ABCF3: variants seen among roughly 807,000 people sequenced by gnomAD.
ABCF3 encodes ATP binding cassette subfamily F member 3, also known as ATP-binding cassette sub-family F member 3.
A neutral mutation model predicts 94.3 loss-of-function variants in ABCF3; 62 were observed. The ratio of observed to expected loss-of-function variants is 0.66; its 90% CI spans 0.54 to 0.81. The LOEUF (loss-of-function observed/expected upper bound fraction) is 0.81, where lower values mean the gene tolerates loss of function less well. Ranked by LOEUF, ABCF3 falls within the 40% of genes least tolerant of loss-of-function variation. The probability of loss-of-function intolerance (pLI) is 0.00; values close to 1 mark genes in which losing one functional copy is unlikely to be tolerated. For synonymous variants in ABCF3, 355 were observed against 361.1 expected, an observed-to-expected ratio of 0.98 and a Z score of 0.19; for missense variants, 843 against 925.3, an observed-to-expected ratio of 0.91 and a Z score of 1.15.
At position 184,188,980 on chromosome 3, in the gene ABCF3, G is replaced by A; in HGVS notation, c.969G>A (p.Gln323=). The A allele has an allele frequency of 6.2e-7, 1 of 1,614,238 alleles. No individual in the cohort carries two copies. The highest frequency in any genetic ancestry group is 8.5e-7 in the Non-Finnish European group (1 of 1,180,042). Residue 323 remains glutamine, a synonymous_variant, in exon 9 of 21, where the codon CAG becomes CAA. Coordinates refer to ENST00000429586, the MANE Select transcript of ABCF3 (RefSeq NM_018358.3). ...GLGFTPKMQQ[Q]PTREFSGGWR... is the part of the protein sequence containing the mutation. Reference sequence around the variant, plus strand: ...GCTTTACCCCTAAAATGCAGCAGCAGCCCACCCGGTGAGTGACCCTTGCCA... The same window carrying A: ...GCTTTACCCCTAAAATGCAGCAGCAACCCACCCGGTGAGTGACCCTTGCCA...
rs529248495 is a variant in ABCF3 at position 184,190,399 on chromosome 3, G to T, written c.1391+468G>T. 5.0e-5 allele frequency: 9 copies of T among 179,410 alleles called. No individual in the cohort carries two copies. The East Asian group carries it at 1.4e-3, about 27-fold the overall frequency. The allele number at this position is 179,410 out of a possible 1,614,324, so 11.1% of individuals were successfully genotyped here. A position where few individuals can be genotyped will look rare whatever the true frequency, so the allele number is the denominator to read the frequency against. ...ATGAATAATGTTGCTGTGAACATTG[G>T]TGTACAAATTTTTGTGTGGACATAT... On this transcript the variant is annotated intron_variant, in intron 14 of 20. Transcript: ENST00000429586.
At chr3:184,186,978 C>A in intron 3 of ABCF3, 103 bp downstream of exon 3, 2 of 1,234,838 alleles carry the variant, frequency 1.6e-6, no homozygotes, top group East Asian at 2.5e-5. Flanking sequence ...TTCCACAGGA[C>A]AAGGTTGTAG....
chr3:184,193,799 G>A lies in ABCF3; in HGVS notation c.*101G>A. On this transcript the variant is annotated 3_prime_UTR_variant, in exon 21 of 21. Transcript: ENST00000429586. The surrounding 1 kb of genome is among the most constrained non-coding windows in gnomAD (Gnocchi z 5.2). The stretch of plus-strand genomic sequence containing the variant: ...CCAGGCCGTGGACTTCCCCCAACTT[G>A]GGGACAGCCTTATTCCCAAATGTCT... 1.5e-6 allele frequency: 2 copies of A among 1,344,780 alleles called. No homozygotes were observed. Among genetic ancestry groups the A allele is most frequent in the Non-Finnish European group, 1.0e-6 (1 of 1,000,666 alleles). The allele number at this position is 1,344,780 out of a possible 1,614,324, so 83.3% of individuals were successfully genotyped here. A position where few individuals can be genotyped will look rare whatever the true frequency, so the allele number is the denominator to read the frequency against.
rs777281562 is a variant in ABCF3, at chr3:184,191,267, G to A, written c.1569+12G>A. On this transcript the variant is annotated intron_variant, in intron 16 of 20. Transcript: ENST00000429586. Reference sequence around the variant, plus strand: ...CTCGCATCTGTGTGGTAAGGCTGCTGTTTCTCTGTGCTGCGAGCTGGGACT... The same window carrying A: ...CTCGCATCTGTGTGGTAAGGCTGCTATTTCTCTGTGCTGCGAGCTGGGACT... The A allele has an allele frequency of 3.1e-5, 50 of 1,613,704 alleles. No homozygotes were observed. In the South Asian group the frequency reaches 5.4e-4, roughly 17 times the overall value.
intron 3 of ABCF3, chr3:184,187,168 T>G (rs1248160818): frequency 1.6e-6 from 1 of 643,682 alleles, no homozygotes; most frequent in East Asian, 2.7e-5. Flanking sequence ...CTTGTAAGAG[T>G]TGGTTATCTG....
chr3:184,187,214 G>A (rs560184472), intron 3 of ABCF3, 183 bp from the exon 4 acceptor site: 2 of 738,420 alleles, frequency 2.7e-6, no homozygotes, highest in South Asian at 1.6e-5. Context: ...ATCCTTCTAC[G>A]TGAGTTTTGT....
chr3:184,187,749 C>T lies in ABCF3; in HGVS notation c.434C>T (p.Thr145Ile). 1 of 1,614,230 alleles carries T rather than the reference C, an allele frequency of 6.2e-7. No homozygotes were observed. ...EKRSEKDTLK[T>I]SNPLVLEEAS... ...CGCTCAGAGAAGGACACGCTCAAGA[C>T]CAGCAACCCTCTGTGAGTGGGGGAA... The change falls in exon 5 of 21, where the codon ACC becomes ATC. Residue 145 changes from threonine (T) to isoleucine (I), a missense_variant. Thr to Ile is a moderately conservative substitution (Grantham distance 89). Transcript: ENST00000429586.
In ABCF3 at chr3:184,188,190, G is replaced by A. The variant is rs916857446; in HGVS notation, c.619G>A (p.Gly207Arg). 8 of 1,614,032 alleles carry A rather than the reference G, an allele frequency of 5.0e-6. No individual in the cohort carries two copies. The highest frequency in any genetic ancestry group is 1.6e-4 in the Middle Eastern group (1 of 6,062). Residue 207 changes from glycine to arginine, a missense_variant, in exon 7 of 21, where the codon GGG becomes AGG. Transcript: ENST00000429586. ...GAACCTGGCATGGGGCCGCCGTTAC[G>A]GGCTGGTGGGGCGGAATGGGTTGGG... Reference protein sequence around the residue: ...DVNLAWGRRYGLVGRNGLGKT... With the variant: ...DVNLAWGRRYRLVGRNGLGKT...
Position 184,186,247 on chromosome 3 carries a change from G to C in ABCF3, c.40G>C (p.Glu14Gln), listed in dbSNP as rs1367787572. Residue 14 changes from glutamate to glutamine, a missense_variant, in exon 1 of 21, where the codon GAA becomes CAA. Glu to Gln is a conservative substitution (Grantham distance 29, BLOSUM62 2). Transcript: ENST00000429586. ...CGAAATCCTGCGGAGCGAGTTCCCC[G>C]AAATTGACGGACAAGTCTTCGACTA... Reference protein sequence around the residue: ...CAEILRSEFPEIDGQVFDYVT... With the variant: ...CAEILRSEFPQIDGQVFDYVT... 1 of 1,614,136 alleles carries C rather than the reference G, an allele frequency of 6.2e-7. No individual in the cohort carries two copies. Among genetic ancestry groups the C allele is most frequent in the Non-Finnish European group, 8.5e-7 (1 of 1,180,060 alleles).
intron 14 of ABCF3, 116 bp from the exon 15 acceptor site, chr3:184,190,883 G>T: frequency 8.2e-7 from 1 of 1,212,892 alleles, no homozygotes. Flanking sequence ...CTAAAGTAAT[G>T]ATACCTGAGT....
rs1289181548 is a variant in ABCF3, at chr3:184,193,592, G to A, written c.2024G>A (p.Arg675Gln). 4 of 1,614,160 alleles carry A rather than the reference G, an allele frequency of 2.5e-6. No individual in the cohort carries two copies. Among genetic ancestry groups the A allele is most frequent in the Non-Finnish European group, 2.5e-6 (3 of 1,180,010 alleles). Residue 675 changes from arginine (R) to glutamine (Q), a missense_variant, in exon 21 of 21, where the codon CGG (arginine) becomes CAG (glutamine). Arg to Gln is a conservative substitution (Grantham distance 43, BLOSUM62 1). Coordinates refer to ENST00000429586, the MANE Select transcript of ABCF3 (RefSeq NM_018358.3). This position sits in a 1 kb window ranked among gnomAD's most constrained non-coding sequence, Gnocchi z 5.2. ...GAGCGCTTTATCAGGCTGGTGTGCC[G>A]GGAGTTGTGGGTATGCGAAGGAGGC... ...HDERFIRLVC[R>Q]ELWVCEGGGV...
intron 10 of ABCF3, 22 bp from the exon 11 acceptor site, chr3:184,189,233 G>A: frequency 1.2e-6 from 2 of 1,614,158 alleles, no homozygotes; most frequent in Non-Finnish European, 1.7e-6. Flanking sequence ...TAAAACCTCA[G>A]GCCATGTATT....
rs773165479 is a variant in ABCF3 at position 184,189,855 on chromosome 3, G to C, written c.1315G>C (p.Val439Leu). The C allele has an allele frequency of 1.9e-6, 3 of 1,614,234 alleles. No individual in the cohort carries two copies. In the South Asian group the frequency reaches 3.3e-5, roughly 18 times the overall value. The change falls in exon 14 of 21, where the codon GTT becomes CTT. Residue 439 changes from valine to leucine, a missense_variant and splice_region_variant. Physicochemically the swap from Val to Leu is conservative, Grantham distance 32. Transcript: ENST00000429586. ...AATGCCTACACTCCTCCACCTGCAG[G>C]TTTTCATTGACCGGTTTCGCTACAA... The part of the protein sequence containing the change: ...AQQQYRQHIQ[V>L]FIDRFRYNAN...
Position 184,191,050 on chromosome 3 carries a change from G to T in ABCF3, c.1436+7G>T. 6.2e-7 allele frequency: 1 copy of T among 1,614,232 alleles called. No homozygotes were observed. The highest frequency in any genetic ancestry group is 8.5e-7 in the Non-Finnish European group (1 of 1,180,036). On this transcript the variant is annotated splice_region_variant and intron_variant, in intron 15 of 20. Transcript: ENST00000429586. Reference sequence around the variant, plus strand: ...AATCAGAGGTCGTAATGAAGTAAGTGCTGGGCCAGTGGGGCTGGTGGGGAA... The same window carrying T: ...AATCAGAGGTCGTAATGAAGTAAGTTCTGGGCCAGTGGGGCTGGTGGGGAA...
rs1181696596 is a variant in ABCF3 at position 184,193,060 on chromosome 3, G to A, written c.1751-42G>A. The A allele has an allele frequency of 3.3e-6, 5 of 1,536,834 alleles. No individual in the cohort carries two copies. In the East Asian group the frequency reaches 6.8e-5, roughly 21 times the overall value. On this transcript the variant is annotated intron_variant, in intron 18 of 20. Coordinates refer to ENST00000429586, the MANE Select transcript of ABCF3 (RefSeq NM_018358.3). This position sits in a 1 kb window ranked among gnomAD's most constrained non-coding sequence, Gnocchi z 5.2. Reference sequence around the variant, plus strand: ...TGTGGCTGGAGGGCACAGGGAGGGTGTTGGGCCAAGAAGCCACCTGATCTG... The same window carrying A: ...TGTGGCTGGAGGGCACAGGGAGGGTATTGGGCCAAGAAGCCACCTGATCTG...
rs149333240 is a variant in ABCF3 at position 184,193,657 on chromosome 3, G to A, written c.2089G>A (p.Ala697Thr). ...RVEGGFDQYR[A>T]LLQEQFRREG... ...GGAAGGAGGATTTGACCAGTACCGC[G>A]CCCTCCTCCAGGAACAGTTCCGCCG... Residue 697 changes from alanine to threonine, a missense_variant, in exon 21 of 21, where the codon GCC becomes ACC. Physicochemically the swap from Ala to Thr is moderately conservative, Grantham distance 58. Coordinates refer to ENST00000429586, the MANE Select transcript of ABCF3 (RefSeq NM_018358.3). The surrounding 1 kb of genome is among the most constrained non-coding windows in gnomAD (Gnocchi z 5.2). The A allele has an allele frequency of 3.7e-5, 60 of 1,614,002 alleles. No homozygotes were observed. The African/African-American group carries it at 5.2e-4, about 14-fold the overall frequency.
intron 14 of ABCF3, chr3:184,190,231 CAT>C (rs1715934694): frequency 2.2e-6 from 1 of 462,920 alleles, no homozygotes; most frequent in Admixed American, 3.7e-5. Context: ...TACCTGGCGT[CAT>C]GTGTGAGGCT....
chr3:184,190,996 CA>C lies in ABCF3; in HGVS notation c.1392-2del, dbSNP rs2109044429. 6.2e-7 allele frequency: 1 copy of C among 1,614,012 alleles called. No individual in the cohort carries two copies. The highest frequency in any genetic ancestry group is 2.2e-5 in the East Asian group (1 of 44,886). ...ATCTAGTCTACCTCATCTCTTCTCC[CA>C]GGCCTGAGCTGAAGCCTGTGGACAA... On this transcript the variant is annotated splice_acceptor_variant, in intron 14 of 20. Coordinates refer to ENST00000429586, the MANE Select transcript of ABCF3 (RefSeq NM_018358.3). LOFTEE classifies it high-confidence loss of function.
chr3:184,188,531 C>T (rs535774904), intron 7 of ABCF3, 124 bp downstream of exon 7: 1 of 1,319,824 alleles, frequency 7.6e-7, no homozygotes, highest in Non-Finnish European at 1.0e-6. Flanking sequence ...ACTTGGCACT[C>T]TGGGACTCAG....
Sources: gnomAD v4.1 joint callset for allele counts on GRCh38, gnomAD v4.1.1 for gene constraint, Gnocchi (gnomAD v3.1) non-coding constraint, MANE v1.5 for transcripts, NCBI Gene and HGNC (gene_info 2026-07-23, HGNC 2026-07-21) for gene names.